Variants in TAF15 observed in about 807,000 individuals in gnomAD.
The protein encoded by TAF15 is TATA-binding protein-associated factor 2N.
In TAF15, 37 loss-of-function variants were observed where a neutral mutation model predicts 102.5. The ratio of observed to expected loss-of-function variants is 0.36; its 90% confidence interval spans 0.28 to 0.47. The LOEUF (loss-of-function observed/expected upper bound fraction) is 0.47. Among genes scored for constraint, TAF15 ranks in the 20% least tolerant of loss-of-function variants. The pLI is 0.99. For synonymous variants in TAF15, 273 were observed against 259.2 expected, an observed-to-expected ratio of 1.05 and a Z score of -0.51; for missense variants, 652 against 760.7, an observed-to-expected ratio of 0.86 and a Z score of 1.68.
intron 10 of TAF15, 120 bp from the exon 11 acceptor site, chr17:35,838,304 A>G: frequency 7.6e-7 from 1 of 1,309,246 alleles, no homozygotes; most frequent in Admixed American, 1.9e-5. Flanking sequence ...TTAGGTGCAT[A>G]GTATTTTATA....
chr17:35,836,187 G>A lies in TAF15; in HGVS notation c.729G>A (p.Glu243=), dbSNP rs1568271354. ...NNTIFVQGLG[E]GVSTDQVGEF... ...CAATCTTTGTGCAAGGACTTGGGGA[G>A]GGTGTGTCTACAGATCAAGTTGGGG... Residue 243 remains glutamate, a synonymous_variant, in exon 10 of 16, where the codon GAG becomes GAA. Transcript: ENST00000605844. 6.2e-7 allele frequency: 1 copy of A among 1,613,804 alleles called. No homozygotes were observed. The highest frequency in any genetic ancestry group is 2.2e-5 in the East Asian group (1 of 44,818).
intron 10 of TAF15, among the ~76,000 whole-genome samples, chr17:35,837,863 C>T (rs1262685683): frequency 1.3e-5 from 2 of 152,122 alleles, no homozygotes; most frequent in African/African-American, 2.4e-5. Context: ...GCATTATCTA[C>T]ATTTAATTTC....
intron 9 of TAF15, 133 bp downstream of exon 9, chr17:35,834,731 G>C (rs1019758961): frequency 1.0e-5 from 5 of 486,140 alleles, no homozygotes; most frequent in Non-Finnish European, 1.7e-5. Context: ...GAACTGGGGA[G>C]CTTTATTTCT....
chr17:35,842,273 C>T (rs930557183), intron 11 of TAF15, 94 bp from the exon 12 acceptor site: 37 of 919,544 alleles, frequency 4.0e-5, no homozygotes, highest in Admixed American at 3.4e-4. Flanking sequence ...TCAGTTACTC[C>T]TCTGAAACTA....
At chr17:35,811,656 A>G (rs2087125693) in intron 1 of TAF15, 1 of 152,230 alleles carries the variant, frequency 6.6e-6, no homozygotes, top group African/African-American at 2.4e-5. Context: ...AATATATCAA[A>G]TTGACTCAAC....
chr17:35,814,788 G>T (rs1396392359), intron 1 of TAF15, among the ~76,000 whole-genome samples: 4 of 151,804 alleles, frequency 2.6e-5, no homozygotes, highest in African/African-American at 9.7e-5. Context: ...GGGAAGCAGA[G>T]GTTGCAGTAA....
At position 35,835,287 on chromosome 17, in the gene TAF15, G is replaced by A. The variant is rs113143007; in HGVS notation, c.673+689G>A. Among the ~76,000 whole-genome samples, 8 of 152,274 alleles carry A rather than the reference G, an allele frequency of 5.3e-5. 1 individual carries two copies. The highest frequency in any genetic ancestry group is 1.9e-4 in the African/African-American group (8 of 41,542). ...AAGAAAGAAAATCCTACGTTGGATT[G>A]GTAGTCTGCTTAAGTGTGCTGACTT... On this transcript the variant is annotated intron_variant, in intron 9 of 15. Coordinates refer to ENST00000605844, the MANE Select transcript of TAF15 (RefSeq NM_139215.3).
intron 12 of TAF15, among the ~76,000 whole-genome samples, chr17:35,842,713 G>A (rs2082030832): frequency 6.6e-6 from 1 of 152,020 alleles, no homozygotes; most frequent in Non-Finnish European, 1.5e-5. Context: ...TTGGAAATCA[G>A]GAGGCAATTT....
intron 11 of TAF15, among the ~76,000 whole-genome samples, chr17:35,840,685 G>GA (rs888902231): frequency 5.9e-5 from 9 of 151,902 alleles, no homozygotes; most frequent in Admixed American, 3.3e-4. Context: ...CCAACATGGT[G>GA]AAATCCCATC....
chr17:35,830,722 A>T (rs1266202850), intron 7 of TAF15, among the ~76,000 whole-genome samples: 3 of 152,258 alleles, frequency 2.0e-5, no homozygotes, highest in Admixed American at 6.5e-5. Flanking sequence ...ATCTAGATCA[A>T]TGCCTAAACC....
rs2087633219 is a variant in TAF15 at position 35,847,123 on chromosome 17, C to G, written c.*178C>G. The G allele has an allele frequency of 1.4e-6, 1 of 703,460 alleles. No individual in the cohort carries two copies. The highest frequency in any genetic ancestry group is 1.8e-5 in the African/African-American group (1 of 55,964). 43.6% of individuals were successfully genotyped at this position (703,460 alleles called of 1,614,324 possible). On this transcript the variant is annotated 3_prime_UTR_variant, in exon 16 of 16. Coordinates refer to ENST00000605844, the MANE Select transcript of TAF15 (RefSeq NM_139215.3). Reference sequence around the variant, plus strand: ...TCTAGAAATGTCTGTTGAGATTTCCCCCTTTAGTTTCCAACCTTCTCCCCA... The same window carrying G: ...TCTAGAAATGTCTGTTGAGATTTCCGCCTTTAGTTTCCAACCTTCTCCCCA...
chr17:35,840,728 G>A (rs1228847936), intron 11 of TAF15, among the ~76,000 whole-genome samples: 1 of 152,024 alleles, frequency 6.6e-6, no homozygotes, highest in African/African-American at 2.4e-5. Flanking sequence ...GCCAGGCGCG[G>A]TGGTGAGCAC....
intron 1 of TAF15, among the ~76,000 whole-genome samples, chr17:35,815,266 G>A (rs917321072): frequency 1.3e-5 from 2 of 152,082 alleles, no homozygotes; most frequent in Non-Finnish European, 2.9e-5. Context: ...ATTTAAATTC[G>A]TAGGTCCAGA....
chr17:35,845,572 G>A (rs758404634), intron 15 of TAF15, among the ~76,000 whole-genome samples: 1 of 151,926 alleles, frequency 6.6e-6, no homozygotes, highest in African/African-American at 2.4e-5. Flanking sequence ...CTTTGCAGTG[G>A]CGCAGTCTCG....
intron 9 of TAF15, 142 bp downstream of exon 9, chr17:35,834,740 CTTTTTTTTTT>C (rs533058888): frequency 3.8e-5 from 9 of 236,450 alleles, no homozygotes; most frequent in Non-Finnish European, 6.4e-5. Flanking sequence ...AGCTTTATTT[CTTTTTTTTTT>C]TTTTTTTTTT....
At chr17:35,831,280 G>A (rs1290097174) in intron 7 of TAF15, among the ~76,000 whole-genome samples, 1 of 151,826 alleles carries the variant, frequency 6.6e-6, no homozygotes, top group Non-Finnish European at 1.5e-5. Flanking sequence ...GGTGGCGGGC[G>A]CCTGTAGTCC....
intron 1 of TAF15, among the ~76,000 whole-genome samples, chr17:35,813,993 TTG>T (rs776075373): frequency 6.6e-5 from 8 of 121,172 alleles, no homozygotes; most frequent in African/African-American, 1.5e-4. Context: ...TCTGTTTTTT[TTG>T]TTGTTGTTGT....
At position 35,820,368 on chromosome 17, in the gene TAF15, A is replaced by C. The variant is rs1452011390; in HGVS notation, c.221A>C (p.Lys74Thr). 1 of 1,614,096 alleles carries C rather than the reference A, an allele frequency of 6.2e-7. No individual in the cohort carries two copies. Among genetic ancestry groups the C allele is most frequent in the Admixed American group, 1.7e-5 (1 of 60,028 alleles). Reference protein sequence around the residue: ...SQSYGGYENQKQSSYSQQPYN... With the variant: ...SQSYGGYENQTQSSYSQQPYN... ...TCCTATGGTGGTTATGAGAATCAAA[A>C]GCAGAGCTCATATAGCCAGCAACCA... The change falls in exon 5 of 16, where the codon AAG (lysine) becomes ACG (threonine). Residue 74 changes from lysine (K) to threonine (T), a missense_variant. Physicochemically the swap from Lys to Thr is moderately conservative, Grantham distance 78 (BLOSUM62 -1). This residue lies in a region of TAF15 where 243 missense variants were observed against 284.1 expected (regional missense o/e 0.86). Coordinates refer to ENST00000605844, the MANE Select transcript of TAF15 (RefSeq NM_139215.3).
intron 9 of TAF15, among the ~76,000 whole-genome samples, 198 bp downstream of exon 9, chr17:35,834,796 A>G (rs927225920): frequency 1.6e-5 from 2 of 122,646 alleles, no homozygotes. Flanking sequence ...CCCAGGCTGG[A>G]GTGCAGTGGC....
Sources: allele counts gnomAD v4.1 joint callset (sites outside exome capture counted in the v4.1 genomes callset), GRCh38; gene constraint gnomAD v4.1.1; regional missense constraint gnomAD v4.1.1; transcripts MANE v1.5; gene names NCBI Gene and HGNC (gene_info 2026-07-23, HGNC 2026-07-21).